Variants in FKBP5 observed in about 807,000 individuals in gnomAD.
FKBP5 encodes the protein FKBP prolyl isomerase 5.
FKBP5 carries 23 observed loss-of-function variants against 50.5 expected under a neutral mutation model. The observed-to-expected ratio is 0.46, with a 90% confidence interval of 0.33 to 0.65. The LOEUF (loss-of-function observed/expected upper bound fraction) is 0.65, where lower values mean the gene tolerates loss of function less well. Among genes scored for constraint, FKBP5 ranks in the 30% least tolerant of loss-of-function variants. The pLI is 0.02. For synonymous variants in FKBP5, 176 were observed against 190.6 expected, an observed-to-expected ratio of 0.92 and a Z score of 0.63; for missense variants, 411 against 553.1, an observed-to-expected ratio of 0.74 and a Z score of 2.58.
At chr6:35,722,267 C>A (rs767129820) in intron 1 of FKBP5, among the ~76,000 whole-genome samples, 2 of 152,128 alleles carry the variant, frequency 1.3e-5, no homozygotes, top group Non-Finnish European at 2.9e-5. Context: ...GACCCATTCA[C>A]GGTGCTCAGA....
At chr6:35,668,327 G>A (rs1237417380) in intron 1 of FKBP5, among the ~76,000 whole-genome samples, 5 of 152,218 alleles carry the variant, frequency 3.3e-5, no homozygotes, top group Non-Finnish European at 7.3e-5. Flanking sequence ...GCTAGGCCCA[G>A]TGTCCATTTT....
chr6:35,653,014 G>A (rs918426095), intron 1 of FKBP5, among the ~76,000 whole-genome samples: 2 of 152,098 alleles, frequency 1.3e-5, no homozygotes, highest in African/African-American at 4.8e-5. Context: ...CCGATAAGAA[G>A]GGATATTATG....
At chr6:35,593,429 T>G (rs577039614) in intron 6 of FKBP5, among the ~76,000 whole-genome samples, 1 of 152,340 alleles carries the variant, frequency 6.6e-6, no homozygotes, top group African/African-American at 2.4e-5. Context: ...GAGTGCTTCC[T>G]GAGAAGTCAC....
At chr6:35,639,616 G>A (rs1764419798) in intron 2 of FKBP5, among the ~76,000 whole-genome samples, 1 of 152,132 alleles carries the variant, frequency 6.6e-6, no homozygotes, top group African/African-American at 2.4e-5. Flanking sequence ...TTTAGGATGA[G>A]TAACTATAGC....
chr6:35,695,882 C>T lies in FKBP5; in HGVS notation c.-20+24446G>A, dbSNP rs532963497. Among the ~76,000 whole-genome samples the T allele has an allele frequency of 8.5e-5, 13 of 152,168 alleles. No individual in the cohort carries two copies. In the South Asian group the frequency reaches 2.7e-3, roughly 32 times the overall value. On this transcript the variant is annotated intron_variant, in intron 2 of 11. Coordinates refer to the FKBP5 transcript ENST00000536438. ...TCTTTAGGCCGGGCGTGGTGGCTCA[C>T]ACCTGTAATCCCAGCACTTTGGGAG... is the stretch of plus-strand genomic sequence containing the variant.
At chr6:35,585,822 T>C (rs780935956) in intron 8 of FKBP5, 38 of 985,292 alleles carry the variant, frequency 3.9e-5, no homozygotes, top group South Asian at 4.7e-5. Context: ...TGACCCAATA[T>C]TGTCTCAGCT....
At chr6:35,710,183 A>G (rs1766389116) in intron 2 of FKBP5, among the ~76,000 whole-genome samples, 1 of 152,198 alleles carries the variant, frequency 6.6e-6, no homozygotes, top group South Asian at 2.1e-4. Context: ...CCTAACCAGA[A>G]GTGCAAAACA....
intron 3 of FKBP5, among the ~76,000 whole-genome samples, chr6:35,625,735 CA>C (rs565292156): frequency 7.1e-6 from 1 of 140,404 alleles, no homozygotes; most frequent in Middle Eastern, 3.8e-3. Flanking sequence ...GACTCCGTCT[CA>C]AAAAAAAACA....
intron 2 of FKBP5, among the ~76,000 whole-genome samples, chr6:35,718,333 G>A (rs1350602487): frequency 6.6e-6 from 1 of 152,230 alleles, no homozygotes; most frequent in Non-Finnish European, 1.5e-5. Context: ...GGCCCAGAGA[G>A]AGGAAGTGTT....
At chr6:35,628,301 A>G (rs1466188975) in intron 3 of FKBP5, among the ~76,000 whole-genome samples, 2 of 152,184 alleles carry the variant, frequency 1.3e-5, no homozygotes, top group Non-Finnish European at 2.9e-5. Flanking sequence ...TTTTAAATGT[A>G]CATTTACATT....
chr6:35,599,517 T>C (rs1041983263), intron 5 of FKBP5, among the ~76,000 whole-genome samples: 45 of 152,312 alleles, frequency 3.0e-4, no homozygotes, highest in African/African-American at 1.1e-3. Flanking sequence ...TCTGTATTGT[T>C]CCAATTTTAG....
chr6:35,647,435 G>C (rs998103856), intron 1 of FKBP5, among the ~76,000 whole-genome samples: 1 of 152,232 alleles, frequency 6.6e-6, no homozygotes, highest in East Asian at 1.9e-4. Flanking sequence ...GCAAAACTCT[G>C]AGGTGGAAAA....
intron 2 of FKBP5, 86 bp downstream of exon 2, chr6:35,642,634 T>A: frequency 1.0e-6 from 1 of 979,826 alleles, no homozygotes; most frequent in South Asian, 1.6e-5. Flanking sequence ...ATAAACATTA[T>A]CCACCCCAGC....
chr6:35,703,057 C>T (rs772806962), intron 2 of FKBP5, among the ~76,000 whole-genome samples: 15 of 152,128 alleles, frequency 9.9e-5, no homozygotes, highest in Non-Finnish European at 1.9e-4. Context: ...CAAGACCAGC[C>T]TGGCCAACAT....
chr6:35,620,420 CAAAT>C (rs1042956314), intron 3 of FKBP5, 146 bp from the exon 4 acceptor site: 1 of 752,008 alleles, frequency 1.3e-6, no homozygotes, highest in Non-Finnish European at 2.1e-6. Context: ...GTGCTACATA[CAAAT>C]AAATAAATTA....
chr6:35,664,221 G>A (rs1282912530), intron 1 of FKBP5, among the ~76,000 whole-genome samples: 1 of 152,128 alleles, frequency 6.6e-6, no homozygotes, highest in African/African-American at 2.4e-5. Flanking sequence ...AAAAGCCAGG[G>A]AATATTTTTT....
intron 5 of FKBP5, among the ~76,000 whole-genome samples, chr6:35,606,383 C>T (rs554816036): frequency 1.4e-4 from 22 of 152,118 alleles, no homozygotes; most frequent in East Asian, 3.9e-4. Flanking sequence ...CAAGGCCGGG[C>T]GCTGTGACTC....
chr6:35,601,824 C>G (rs764884540), intron 5 of FKBP5, among the ~76,000 whole-genome samples: 1 of 152,096 alleles, frequency 6.6e-6, no homozygotes, highest in African/African-American at 2.4e-5. Flanking sequence ...GATGCTTCTA[C>G]TTAGGGCTTT....
At chr6:35,612,854 G>C (rs1436986767) in intron 5 of FKBP5, among the ~76,000 whole-genome samples, 1 of 152,172 alleles carries the variant, frequency 6.6e-6, no homozygotes, top group Non-Finnish European at 1.5e-5. Context: ...GGGATTGTGG[G>C]AACTACAATT....
Sources: gnomAD v4.1 joint callset for allele counts (sites outside exome capture counted in the v4.1 genomes callset) on GRCh38, gnomAD v4.1.1 for gene constraint, MANE v1.5 for transcripts, NCBI Gene and HGNC (gene_info 2026-07-23, HGNC 2026-07-21) for gene names.